The following SIN3A variants were observed in gnomAD, a reference collection of about 807,000 sequenced individuals.
SIN3A encodes the protein SIN3 transcription regulator family member A.
In SIN3A, 14 loss-of-function variants were observed where a neutral mutation model predicts 146.1. That is an observed-to-expected ratio of 0.10 (90% confidence interval 0.06 to 0.15). The LOEUF is 0.15. Among genes scored for constraint, SIN3A ranks in the 10% least tolerant of loss-of-function variants. The pLI, the probability that SIN3A is intolerant of heterozygous loss-of-function variation, is 1.00. For synonymous variants in SIN3A, 572 were observed against 572.0 expected, an observed-to-expected ratio of 1.00 and a Z score of 0.00; for missense variants, 1,028 against 1,576.0, an observed-to-expected ratio of 0.65 and a Z score of 5.89.
intron 7 of SIN3A, 57 bp from the exon 8 acceptor site, chr15:75,410,048 T>A: frequency 6.2e-7 from 1 of 1,606,410 alleles, no homozygotes; most frequent in Non-Finnish European, 8.5e-7. Context: ...AAATATCATC[T>A]AGGAAAAGTC....
intron 1 of SIN3A, among the ~76,000 whole-genome samples, chr15:75,448,878 A>G (rs551357875): frequency 3.3e-5 from 5 of 152,350 alleles, no homozygotes; most frequent in African/African-American, 1.2e-4. Flanking sequence ...TTCCTTAAAA[A>G]AGAAAAAAAG....
At chr15:75,447,236 G>C (rs1237321334) in intron 1 of SIN3A, among the ~76,000 whole-genome samples, 1 of 152,210 alleles carries the variant, frequency 6.6e-6, no homozygotes, top group East Asian at 1.9e-4. Context: ...AAAACAAGGA[G>C]AATAGAATCC....
chr15:75,414,680 T>C (rs1248259639), intron 3 of SIN3A, among the ~76,000 whole-genome samples: 4 of 152,222 alleles, frequency 2.6e-5, no homozygotes, highest in African/African-American at 9.6e-5. Flanking sequence ...TCTATAGACA[T>C]TTGTTTGTAT....
At chr15:75,391,720 T>C (rs940280171) in intron 15 of SIN3A, among the ~76,000 whole-genome samples, 3 of 152,206 alleles carry the variant, frequency 2.0e-5, no homozygotes, top group Admixed American at 6.5e-5. Context: ...TCTTTATCCC[T>C]GTCCTGCCTG....
At chr15:75,444,427 A>G (rs893383477) in intron 1 of SIN3A, among the ~76,000 whole-genome samples, 1 of 152,190 alleles carries the variant, frequency 6.6e-6, no homozygotes, top group Admixed American at 6.5e-5. Flanking sequence ...GGGATGGAAC[A>G]AGACCGCATC....
At chr15:75,455,481 T>G (rs1323798903), upstream of SIN3A, among the ~76,000 whole-genome samples, 1 of 152,124 alleles carries the variant, frequency 6.6e-6, no homozygotes, top group African/African-American at 2.4e-5. Flanking sequence ...CGAAACCGAC[T>G]GCTCGGTGAG....
At chr15:75,386,971 A>G (rs780291745) in intron 16 of SIN3A, among the ~76,000 whole-genome samples, 3 of 152,064 alleles carry the variant, frequency 2.0e-5, no homozygotes, top group East Asian at 3.9e-4. Context: ...ATGCCCAGCT[A>G]ATTTTTTGTA....
intron 1 of SIN3A, among the ~76,000 whole-genome samples, chr15:75,444,615 T>C (rs1290842256): frequency 6.6e-6 from 1 of 151,574 alleles, no homozygotes; most frequent in Non-Finnish European, 1.5e-5. Context: ...AGGCCTGTAA[T>C]CCCAGCACTT....
At chr15:75,381,746 T>C in intron 17 of SIN3A, 41 bp from the exon 18 acceptor site, 1 of 1,483,562 alleles carries the variant, frequency 6.7e-7, no homozygotes, top group East Asian at 2.3e-5. Context: ...AGACCGTCTC[T>C]GTAGCTGTAA....
chr15:75,444,040 A>G (rs2074261956), intron 1 of SIN3A, among the ~76,000 whole-genome samples: 1 of 152,248 alleles, frequency 6.6e-6, no homozygotes, highest in Non-Finnish European at 1.5e-5. Context: ...AGTAATGATG[A>G]AATAATTCCT....
intron 9 of SIN3A, among the ~76,000 whole-genome samples, chr15:75,404,873 T>C (rs982709559): frequency 1.3e-5 from 2 of 152,164 alleles, no homozygotes; most frequent in Non-Finnish European, 2.9e-5. Flanking sequence ...GGCTCACACC[T>C]GTAATCTCAA....
intron 10 of SIN3A, 94 bp downstream of exon 10, chr15:75,401,758 A>T (rs1318492164): frequency 1.3e-6 from 1 of 774,784 alleles, no homozygotes; most frequent in Non-Finnish European, 2.2e-6. Context: ...ATGTATCTCA[A>T]GTAAATTAAC....
chr15:75,430,967 G>A (rs949081201), intron 1 of SIN3A, among the ~76,000 whole-genome samples: 5 of 151,970 alleles, frequency 3.3e-5, no homozygotes, highest in East Asian at 1.9e-4. Flanking sequence ...TAGTAGAGAC[G>A]GGGTTTCACC....
Position 75,397,511 on chromosome 15 carries a change from C to G in SIN3A, c.1855-1015G>C, listed in dbSNP as rs144326520. Among the ~76,000 whole-genome samples the G allele has an allele frequency of 3.3e-5, 5 of 152,306 alleles. No homozygotes were observed. The East Asian group carries it at 9.6e-4, about 29-fold the overall frequency. On this transcript the variant is annotated intron_variant, in intron 12 of 20. Transcript: ENST00000394947. The stretch of plus-strand genomic sequence containing the variant: ...TAGCAACATTCATAATGGCAGCAAT[C>G]CCTTGGCCTGAATCCCCAAGTAATT...
intron 2 of SIN3A, 29 bp from the exon 3 acceptor site, chr15:75,422,852 C>G: frequency 6.3e-7 from 1 of 1,595,470 alleles, no homozygotes; most frequent in South Asian, 1.1e-5. Flanking sequence ...AGACAGGAAA[C>G]TTCAAGGCTT....
intron 1 of SIN3A, 83 bp downstream of exon 1, chr15:75,451,340 C>G (rs1433754890): frequency 7.7e-6 from 1 of 129,332 alleles, no homozygotes; most frequent in African/African-American, 2.7e-5. Context: ...AGGTCAGCCC[C>G]CCCCCCCCAA....
At chr15:75,433,576 C>T (rs1368012549) in intron 1 of SIN3A, among the ~76,000 whole-genome samples, 4 of 152,094 alleles carry the variant, frequency 2.6e-5, no homozygotes, top group Non-Finnish European at 4.4e-5. Flanking sequence ...ACTCATAGGC[C>T]GGGCGTGGTG....
intron 1 of SIN3A, among the ~76,000 whole-genome samples, chr15:75,445,707 T>C (rs2141628166): frequency 7.2e-6 from 1 of 137,974 alleles, no homozygotes; most frequent in Admixed American, 8.0e-5. Flanking sequence ...GCCGAGATAG[T>C]ACCACTGCAC....
chr15:75,381,740 C>A, intron 17 of SIN3A, 35 bp from the exon 18 acceptor site: 2 of 1,509,290 alleles, frequency 1.3e-6, no homozygotes, highest in South Asian at 1.1e-5. Context: ...AACAAAAGAC[C>A]GTCTCTGTAG....
Sources: allele counts gnomAD v4.1 joint callset (sites outside exome capture counted in the v4.1 genomes callset), GRCh38; gene constraint gnomAD v4.1.1; transcripts MANE v1.5; gene names NCBI Gene and HGNC (gene_info 2026-07-23, HGNC 2026-07-21).